KTN1: variants seen among roughly 807,000 people sequenced by gnomAD.
The protein encoded by KTN1 is kinectin.
KTN1 carries 130 observed loss-of-function variants against 222.5 expected under a neutral mutation model. The ratio of observed to expected loss-of-function variants is 0.58; its 90% CI spans 0.51 to 0.68. The LOEUF (loss-of-function observed/expected upper bound fraction) is 0.68. KTN1 is among the 30% of genes least tolerant of loss of function. The pLI, the probability that KTN1 is intolerant of heterozygous loss-of-function variation, is 0.00. For missense variants in KTN1, 1,508 were observed against 1,500.4 expected (o/e 1.01, Z -0.08); for synonymous variants, 512 against 496.3 (o/e 1.03, Z -0.42).
Position 55,616,610 on chromosome 14 carries a change from C to T in KTN1, c.617C>T (p.Ser206Leu). ...LHQETKQESG[S>L]GKKKASSKKQ... is the part of the protein sequence containing the mutation. ...CAAGAGACTAAACAAGAAAGTGGAT[C>T]AGGGAAGAAGAAAGCTTCATCAAAG... Residue 206 changes from serine to leucine, a missense_variant, in exon 3 of 44, where the codon TCA becomes TTA. Transcript: ENST00000395314. The T allele has an allele frequency of 1.2e-6, 2 of 1,603,938 alleles. No individual in the cohort carries two copies. The highest frequency in any genetic ancestry group is 8.5e-7 in the Non-Finnish European group (1 of 1,177,448).
At chr14:55,584,037 A>T (rs2032370163) in intron 1 of KTN1, among the ~76,000 whole-genome samples, 1 of 152,116 alleles carries the variant, frequency 6.6e-6, no homozygotes, top group East Asian at 1.9e-4. Flanking sequence ...TTAGCCTCCT[A>T]ACTGATCTCC....
intron 35 of KTN1, among the ~76,000 whole-genome samples, chr14:55,671,083 G>A (rs1198058652): frequency 4.6e-5 from 7 of 151,874 alleles, no homozygotes; most frequent in Non-Finnish European, 2.9e-5. Flanking sequence ...TATCTTTTTA[G>A]CCTAGGTTTA....
chr14:55,667,906 T>TC (rs2045005311), intron 34 of KTN1: 1 of 85,810 alleles, frequency 1.2e-5, no homozygotes, highest in Non-Finnish European at 2.9e-5. Flanking sequence ...GTGTAGGGTC[T>TC]TTTTTTTTTT....
At position 55,612,547 on chromosome 14, in the gene KTN1, C is replaced by T; in HGVS notation, c.499C>T (p.Gln167Ter). 6.3e-7 allele frequency: 1 copy of T among 1,584,326 alleles called. No individual in the cohort carries two copies. The highest frequency in any genetic ancestry group is 8.5e-7 in the Non-Finnish European group (1 of 1,172,168). ...AGCTGCCTCGAAGAAGAAACCAGGG[C>T]AGAAGAAGTCTAAAAATGGAAGCGG... ...EAAASKKKPGQKKSKNGSDDQ... is the reference protein window; with the variant it reads ...EAAASKKKPG Residue 167 changes from glutamine to a stop codon, truncating the protein, a stop_gained, in exon 2 of 44, where the codon CAG becomes TAG. Coordinates refer to ENST00000395314, the MANE Select transcript of KTN1 (RefSeq NM_001079521.2). LOFTEE classifies it high-confidence loss of function.
Position 55,631,345 on chromosome 14 carries a change from T to G in KTN1, c.1221+1248T>G, listed in dbSNP as rs201380240. Among the ~76,000 whole-genome samples the G allele has an allele frequency of 4.5e-3, 480 of 105,914 alleles. 5 individuals are homozygous for G. The highest frequency in any genetic ancestry group is 0.016 in the South Asian group (52 of 3,242). 69.5% of individuals were successfully genotyped at this position (105,914 alleles called of 152,430 possible). Reference sequence around the variant, plus strand: ...AACTCACCTATTGATAAGGTTGATATATATATATATATATATATATATATG... The same window carrying G: ...AACTCACCTATTGATAAGGTTGATAGATATATATATATATATATATATATG... On this transcript the variant is annotated intron_variant, in intron 7 of 43. Transcript: ENST00000395314.
rs1451765253 is a variant in KTN1 at position 55,684,487 on chromosome 14, C to T, written c.*384C>T. Reference sequence around the variant, plus strand: ...ACTTAACATTTTGGGAAGTAACTGCCTCTGACTTCAACTCAAGAAAACACT... The same window carrying T: ...ACTTAACATTTTGGGAAGTAACTGCTTCTGACTTCAACTCAAGAAAACACT... On this transcript the variant is annotated 3_prime_UTR_variant, in exon 44 of 44. Transcript: ENST00000395314. The T allele has an allele frequency of 4.5e-6, 1 of 223,678 alleles. No homozygotes were observed. The highest frequency in any genetic ancestry group is 8.9e-6 in the Non-Finnish European group (1 of 112,828). The allele number at this position is 223,678 out of a possible 1,614,324, so 13.9% of individuals were successfully genotyped here.
chr14:55,595,261 TTG>T (rs2034832637), intron 1 of KTN1, among the ~76,000 whole-genome samples: 1 of 151,986 alleles, frequency 6.6e-6, no homozygotes, highest in Non-Finnish European at 1.5e-5. Context: ...ATAGAATATT[TTG>T]TGTGTGCTTA....
At chr14:55,581,073 T>C (rs762255769) in intron 1 of KTN1, among the ~76,000 whole-genome samples, 6 of 152,238 alleles carry the variant, frequency 3.9e-5, no homozygotes, top group Non-Finnish European at 7.3e-5. Context: ...CGATTCGGCC[T>C]GACCCCTTCA....
intron 11 of KTN1, 26 bp from the exon 12 acceptor site, chr14:55,637,753 C>A: frequency 6.4e-7 from 1 of 1,560,388 alleles, no homozygotes; most frequent in Non-Finnish European, 8.8e-7. Flanking sequence ...CATGCTTTTT[C>A]TCTTTTTGGT....
intron 2 of KTN1, among the ~76,000 whole-genome samples, chr14:55,614,477 G>A (rs1341046708): frequency 6.6e-6 from 1 of 152,184 alleles, no homozygotes; most frequent in Non-Finnish European, 1.5e-5. Context: ...GATCTCCCAA[G>A]TTCTGAGTTA....
intron 1 of KTN1, among the ~76,000 whole-genome samples, chr14:55,592,952 G>A (rs1266549030): frequency 6.6e-6 from 1 of 152,038 alleles, no homozygotes; most frequent in African/African-American, 2.4e-5. Context: ...TGGAGGCTAA[G>A]TTTATCCCGT....
At chr14:55,663,366 T>C (rs533126061) in intron 32 of KTN1, 68 of 176,118 alleles carry the variant, frequency 3.9e-4, no homozygotes, top group African/African-American at 1.5e-3. Context: ...AGCCTTCCCC[T>C]TTGCTTTGAT....
chr14:55,599,006 C>T (rs548490313), intron 1 of KTN1, among the ~76,000 whole-genome samples: 1 of 152,192 alleles, frequency 6.6e-6, no homozygotes, highest in East Asian at 1.9e-4. Flanking sequence ...CATATTTTCC[C>T]TTATGTATAA....
At chr14:55,635,731 G>A (rs536165609) in intron 9 of KTN1, among the ~76,000 whole-genome samples, 1 of 152,290 alleles carries the variant, frequency 6.6e-6, no homozygotes, top group South Asian at 2.1e-4. Flanking sequence ...TGAAAGTATA[G>A]TTCAATTTGT....
intron 6 of KTN1, 85 bp downstream of exon 6, chr14:55,628,113 T>C: frequency 1.3e-6 from 1 of 776,778 alleles, no homozygotes; most frequent in Non-Finnish European, 2.1e-6. Flanking sequence ...ATCAGTAGTT[T>C]AATTATTTGT....
At chr14:55,607,497 T>A (rs1594805052) in intron 1 of KTN1, 1 of 152,112 alleles carries the variant, frequency 6.6e-6, no homozygotes, top group Non-Finnish European at 1.5e-5. Context: ...AGAAAGCGGG[T>A]CAGTATCTTT....
At chr14:55,590,924 T>C (rs369145117) in intron 1 of KTN1, among the ~76,000 whole-genome samples, 3 of 152,236 alleles carry the variant, frequency 2.0e-5, no homozygotes, top group East Asian at 3.8e-4. Flanking sequence ...TCCACCCGCC[T>C]TGGCCTCCCA....
intron 1 of KTN1, among the ~76,000 whole-genome samples, chr14:55,602,228 A>G (rs999370770): frequency 1.3e-5 from 2 of 152,116 alleles, no homozygotes; most frequent in African/African-American, 4.8e-5. Context: ...CTGCCTTGCT[A>G]TATTAGTTGA....
intron 43 of KTN1, chr14:55,680,485 C>A (rs2046265631): frequency 2.6e-6 from 1 of 379,502 alleles, no homozygotes; most frequent in Admixed American, 3.3e-5. Context: ...TTCAGATATT[C>A]TTCTTTTGAA....
Sources: gnomAD v4.1 joint callset for allele counts (sites outside exome capture counted in the v4.1 genomes callset) on GRCh38, gnomAD v4.1.1 for gene constraint, MANE v1.5 for transcripts, NCBI Gene and HGNC (gene_info 2026-07-23, HGNC 2026-07-21) for gene names.